Variants in EFNB2 observed in about 807,000 individuals in gnomAD.
The protein encoded by EFNB2 is ephrin-B2.
In EFNB2, 5 loss-of-function variants were observed where a neutral mutation model predicts 32.1. The ratio of observed to expected loss-of-function variants is 0.16; its 90% confidence interval spans 0.08 to 0.33. The LOEUF is 0.33. Among genes scored for constraint, EFNB2 ranks in the 10% least tolerant of loss-of-function variants. The probability of loss-of-function intolerance (pLI) is 1.00; values close to 1 mark genes in which losing one functional copy is unlikely to be tolerated. For synonymous variants in EFNB2, 168 were observed against 166.5 expected (o/e 1.01, Z -0.07); for missense variants, 263 against 422.6 (o/e 0.62, Z 3.31).
rs1878417308 is a variant in EFNB2 at position 106,491,796 on chromosome 13, G to A, written c.*1244C>T. 1 of 152,582 alleles carries A rather than the reference G, an allele frequency of 6.6e-6. No homozygotes were observed. Among genetic ancestry groups the A allele is most frequent in the Admixed American group, 6.5e-5 (1 of 15,278 alleles). The allele number at this position is 152,582 out of a possible 1,614,324, so 9.5% of individuals were successfully genotyped here. A position where few individuals can be genotyped will look rare whatever the true frequency, so the allele number is the denominator to read the frequency against. On this transcript the variant is annotated 3_prime_UTR_variant, in exon 5 of 5. Transcript: ENST00000646441. Reference sequence around the variant, plus strand: ...ATAAGGATTCTTTAATAACAACGATGATGATGGAATTACAGCCTGTTTGAC... The same window carrying A: ...ATAAGGATTCTTTAATAACAACGATAATGATGGAATTACAGCCTGTTTGAC...
At chr13:106,520,379 C>T (rs1879468427) in intron 1 of EFNB2, 2 of 152,340 alleles carry the variant, frequency 1.3e-5, no homozygotes, top group South Asian at 4.1e-4. Context: ...CCAGTCACCT[C>T]CTGACAAAGG....
chr13:106,525,416 A>C (rs915571550), intron 1 of EFNB2, among the ~76,000 whole-genome samples: 5 of 152,228 alleles, frequency 3.3e-5, no homozygotes, highest in Non-Finnish European at 5.9e-5. Context: ...GATAATTCTC[A>C]CGTGAACAGG....
chr13:106,495,741 T>C lies in EFNB2; in HGVS notation c.499+7A>G, dbSNP rs1878569650. The C allele has an allele frequency of 6.8e-6, 11 of 1,613,960 alleles. No individual in the cohort carries two copies. The highest frequency in any genetic ancestry group is 9.3e-6 in the Non-Finnish European group (11 of 1,179,872). On this transcript the variant is annotated splice_region_variant and intron_variant, in intron 3 of 4. Coordinates refer to ENST00000646441, the MANE Select transcript of EFNB2 (RefSeq NM_004093.4). ...AGTGGCGTCATGAAGCAGCAGATGGTCTTTACCTTGTCCAACTTTCATGAG... is the reference window on the plus strand; with the variant it reads ...AGTGGCGTCATGAAGCAGCAGATGGCCTTTACCTTGTCCAACTTTCATGAG...
At chr13:106,494,849 G>T in intron 4 of EFNB2, 32 bp downstream of exon 4, 8 of 1,522,214 alleles carry the variant, frequency 5.3e-6, no homozygotes, top group Non-Finnish European at 7.3e-6. Context: ...GGTACCCACA[G>T]ACCTCCATAC....
chr13:106,514,179 T>C (rs968028301), intron 1 of EFNB2, among the ~76,000 whole-genome samples: 7 of 152,196 alleles, frequency 4.6e-5, no homozygotes, highest in Non-Finnish European at 7.3e-5. Flanking sequence ...TTTTTTTAAC[T>C]GAGCTCCTTT....
rs757063001 is a variant in EFNB2 at position 106,492,663 on chromosome 13, G to A, written c.*377C>T. The A allele has an allele frequency of 9.2e-5, 18 of 195,688 alleles. No individual in the cohort carries two copies. Among genetic ancestry groups the A allele is most frequent in the Non-Finnish European group, 1.5e-4 (14 of 93,868 alleles). The allele number at this position is 195,688 out of a possible 1,614,324, so 12.1% of individuals were successfully genotyped here. Reference sequence around the variant, plus strand: ...CAGGCAGAAGCCGGCCCTTCCAGGCGTGGCATCCTGGGGCACCTGCCAGGA... The same window carrying A: ...CAGGCAGAAGCCGGCCCTTCCAGGCATGGCATCCTGGGGCACCTGCCAGGA... On this transcript the variant is annotated 3_prime_UTR_variant, in exon 5 of 5. Transcript: ENST00000646441. The surrounding 1 kb of genome is among the most constrained non-coding windows in gnomAD (Gnocchi z 5.1).
rs552803916 is a variant in EFNB2, at chr13:106,501,321, A to G, written c.407-5481T>C. Reference sequence around the variant, plus strand: ...CTATTTAATTTGCCAAAAGGAAAAAAAGAATTTCATTCATTTTTTTTTCTA... The same window carrying G: ...CTATTTAATTTGCCAAAAGGAAAAAGAGAATTTCATTCATTTTTTTTTCTA... On this transcript the variant is annotated intron_variant, in intron 2 of 4. Transcript: ENST00000646441. Among the ~76,000 whole-genome samples, 4 of 93,858 alleles carry G rather than the reference A, an allele frequency of 4.3e-5. No homozygotes were observed. The South Asian group carries it at 2.1e-3, about 49-fold the overall frequency. The allele number at this position is 93,858 out of a possible 152,430, so 61.6% of individuals were successfully genotyped here.
rs890963211 is a variant in EFNB2, at chr13:106,492,861, C to T, written c.*179G>A. On this transcript the variant is annotated 3_prime_UTR_variant, in exon 5 of 5. Transcript: ENST00000646441. This position sits in a 1 kb window ranked among gnomAD's most constrained non-coding sequence, Gnocchi z 5.1. ...AGGGAGCGTGTGTGTTCACCAAGGCCGAATGCTACAAGACTAGGTAAGCTG... is the reference window on the plus strand; with the variant it reads ...AGGGAGCGTGTGTGTTCACCAAGGCTGAATGCTACAAGACTAGGTAAGCTG... 2.3e-5 allele frequency: 18 copies of T among 778,290 alleles called. No homozygotes were observed. Among genetic ancestry groups the T allele is most frequent in the Middle Eastern group, 3.8e-4 (1 of 2,598 alleles). 48.2% of individuals were successfully genotyped at this position (778,290 alleles called of 1,614,324 possible).
intron 2 of EFNB2, chr13:106,506,591 C>T (rs775622820): frequency 5.9e-5 from 9 of 152,122 alleles, no homozygotes; most frequent in South Asian, 2.1e-4. Flanking sequence ...ATTACTGAAA[C>T]GTGTAAACTC....
rs965396508 is a variant in EFNB2, at chr13:106,535,444, T to A, written c.-480A>T. Reference sequence around the variant, plus strand: ...CGGGCGCCGCGTCGGCGCGGTTCCATGTCCCGGAGCACGGAGCGGAGTAGG... The same window carrying A: ...CGGGCGCCGCGTCGGCGCGGTTCCAAGTCCCGGAGCACGGAGCGGAGTAGG... On this transcript the variant is annotated 5_prime_UTR_variant, in exon 1 of 5. An upstream start codon of the reference 5' UTR is lost. Transcript: ENST00000646441. The A allele has an allele frequency of 6.7e-6, 1 of 149,908 alleles. No individual in the cohort carries two copies. The highest frequency in any genetic ancestry group is 2.4e-5 in the African/African-American group (1 of 40,962). The allele number at this position is 149,908 out of a possible 1,614,324, so 9.3% of individuals were successfully genotyped here.
intron 3 of EFNB2, among the ~76,000 whole-genome samples, chr13:106,495,340 TA>T (rs1330554370): frequency 6.6e-6 from 1 of 152,202 alleles, no homozygotes; most frequent in Admixed American, 6.5e-5. Flanking sequence ...AGGTTATCTA[TA>T]TTGGAAAAGT....
chr13:106,510,879 G>A (rs1879120820), intron 2 of EFNB2, among the ~76,000 whole-genome samples: 1 of 152,096 alleles, frequency 6.6e-6, no homozygotes, highest in Non-Finnish European at 1.5e-5. Context: ...CACACCTGTA[G>A]TCCCAGCTAC....
chr13:106,495,642 C>A, intron 3 of EFNB2, 106 bp downstream of exon 3: 2 of 1,122,712 alleles, frequency 1.8e-6, no homozygotes, highest in South Asian at 1.5e-5. Flanking sequence ...GCTTTGAAAA[C>A]TAAAAAGAAG....
intron 4 of EFNB2, 54 bp downstream of exon 4, chr13:106,494,827 T>C (rs1406156222): frequency 1.5e-6 from 2 of 1,363,526 alleles, no homozygotes; most frequent in African/African-American, 2.9e-5. Flanking sequence ...TTTAAGATAC[T>C]ACTAAGAATG....
At chr13:106,502,273 G>A (rs1415410212) in intron 2 of EFNB2, among the ~76,000 whole-genome samples, 2 of 152,178 alleles carry the variant, frequency 1.3e-5, no homozygotes, top group African/African-American at 4.8e-5. Context: ...CTAAAATTGA[G>A]TCACAGTTTA....
chr13:106,507,212 G>A (rs939113162), intron 2 of EFNB2, among the ~76,000 whole-genome samples: 1 of 152,082 alleles, frequency 6.6e-6, no homozygotes, highest in East Asian at 1.9e-4. Flanking sequence ...TGATGGAAAT[G>A]TGGCTTTTGC....
chr13:106,516,377 A>G (rs1473425470), intron 1 of EFNB2: 10 of 152,254 alleles, frequency 6.6e-5, no homozygotes, highest in Non-Finnish European at 1.0e-4. Context: ...ACCACTAATA[A>G]TACAAACACA....
At chr13:106,495,721 C>T (rs567431040) in intron 3 of EFNB2, 27 bp downstream of exon 3, 13 of 1,605,996 alleles carry the variant, frequency 8.1e-6, no homozygotes, top group South Asian at 7.7e-5. Context: ...GTCACAGTGG[C>T]GTCATGAAGC....
intron 1 of EFNB2, among the ~76,000 whole-genome samples, chr13:106,528,904 C>A (rs1298305840): frequency 6.6e-6 from 1 of 152,170 alleles, no homozygotes; most frequent in Non-Finnish European, 1.5e-5. Flanking sequence ...ATTTACACCA[C>A]CTCTAACAGC....
Sources: allele counts gnomAD v4.1 joint callset (sites outside exome capture counted in the v4.1 genomes callset), GRCh38; gene constraint gnomAD v4.1.1; non-coding constraint Gnocchi (gnomAD v3.1); transcripts MANE v1.5; gene names NCBI Gene and HGNC (gene_info 2026-07-23, HGNC 2026-07-21).